WAC: variants seen among roughly 807,000 people sequenced by gnomAD.
WAC encodes WW domain-containing adapter protein with coiled-coil.
WAC carries 11 observed loss-of-function variants against 79.6 expected under a neutral mutation model. The observed-to-expected ratio is 0.14, with a 90% CI of 0.09 to 0.23. The LOEUF (loss-of-function observed/expected upper bound fraction) is 0.23, where lower values mean the gene tolerates loss of function less well. Among genes scored for constraint, WAC ranks in the 10% least tolerant of loss-of-function variants. WAC has a pLI of 1.00. For missense variants in WAC, 728 were observed against 773.5 expected (o/e 0.94, Z 0.70); for synonymous variants, 304 against 276.9 (o/e 1.10, Z -0.97).
chr10:28,619,608 G>A lies in WAC; in HGVS notation c.*2G>A. ...AATCAGAATTCCTTCATGGTGTGAA[G>A]ATGTGAATAATTGCACATGGTTTTG... On this transcript the variant is annotated 3_prime_UTR_variant, in exon 14 of 14. Coordinates refer to ENST00000354911, the MANE Select transcript of WAC (RefSeq NM_016628.5). 1 of 1,573,596 alleles carries A rather than the reference G, an allele frequency of 6.4e-7. No individual in the cohort carries two copies. Among genetic ancestry groups the A allele is most frequent in the Non-Finnish European group, 8.6e-7 (1 of 1,169,338 alleles).
At chr10:28,613,718 C>T (rs1460039004) in intron 10 of WAC, among the ~76,000 whole-genome samples, 5 of 152,144 alleles carry the variant, frequency 3.3e-5, no homozygotes, top group African/African-American at 9.7e-5. Flanking sequence ...TATCCCCTCA[C>T]CCCACCAAAA....
At chr10:28,599,406 A>T (rs1840530468) in intron 7 of WAC, among the ~76,000 whole-genome samples, 1 of 152,108 alleles carries the variant, frequency 6.6e-6, no homozygotes, top group Admixed American at 6.6e-5. Flanking sequence ...GTGTGTAAAT[A>T]TTTGTTGTAG....
At chr10:28,597,220 C>T (rs558142180) in intron 7 of WAC, among the ~76,000 whole-genome samples, 1 of 152,196 alleles carries the variant, frequency 6.6e-6, no homozygotes, top group South Asian at 2.1e-4. Flanking sequence ...TACCAAAATT[C>T]ATACATAAAA....
At chr10:28,611,233 C>T in intron 9 of WAC, 1 of 1,285,584 alleles carries the variant, frequency 7.8e-7, no homozygotes, top group Non-Finnish European at 1.0e-6. Flanking sequence ...TATGGAAATG[C>T]TCATTTTCTG....
intron 3 of WAC, among the ~76,000 whole-genome samples, chr10:28,558,373 C>T (rs1838114121): frequency 6.6e-6 from 1 of 152,088 alleles, no homozygotes; most frequent in Non-Finnish European, 1.5e-5. Flanking sequence ...AGAAGCAGCG[C>T]AAAGAAATTA....
At chr10:28,597,065 T>G (rs1840411721) in intron 7 of WAC, among the ~76,000 whole-genome samples, 1 of 152,140 alleles carries the variant, frequency 6.6e-6, no homozygotes. Flanking sequence ...ACATGTTATA[T>G]GCATGTAATA....
intron 11 of WAC, 193 bp downstream of exon 11, chr10:28,614,878 G>A: frequency 2.5e-6 from 1 of 407,164 alleles, no homozygotes; most frequent in Non-Finnish European, 4.3e-6. Context: ...TAGTAGTGAA[G>A]CCCGGGTTAT....
Position 28,547,929 on chromosome 10 carries a change from TTC to T in WAC, c.274+12174_274+12175del, listed in dbSNP as rs1491582309. On this transcript the variant is annotated intron_variant, in intron 3 of 13. Coordinates refer to ENST00000354911, the MANE Select transcript of WAC (RefSeq NM_016628.5). ...TTTCTCTTTTTCTTTTTTTTTTTTT[TTC>T]TTCTTTGAGAGAGAGTTTCGCTCTT... Among the ~76,000 whole-genome samples the T allele has an allele frequency of 2.5e-4, 38 of 149,550 alleles. No homozygotes were observed. The East Asian group carries it at 5.5e-3, about 22-fold the overall frequency.
At chr10:28,562,105 T>G (rs1838328407) in intron 3 of WAC, among the ~76,000 whole-genome samples, 1 of 152,192 alleles carries the variant, frequency 6.6e-6, no homozygotes, top group South Asian at 2.1e-4. Flanking sequence ...TCACCCAGGT[T>G]GGAGTGCAGT....
intron 3 of WAC, among the ~76,000 whole-genome samples, chr10:28,559,870 G>A (rs567618662): frequency 6.6e-6 from 1 of 152,218 alleles, no homozygotes; most frequent in Admixed American, 6.5e-5. Flanking sequence ...ACATTCCTCA[G>A]ATAGATGTTT....
In WAC at chr10:28,595,985, T is replaced by C; in HGVS notation, c.863T>C (p.Leu288Ser). The C allele has an allele frequency of 1.2e-6, 2 of 1,614,162 alleles. No individual in the cohort carries two copies. The highest frequency in any genetic ancestry group is 1.7e-6 in the Non-Finnish European group (2 of 1,180,014). ...TTTGATGCTAATGGAGCATCTACTT[T>C]ATCAAAACTGCCTACACCCACATCT... ...KSFDANGAST[L>S]SKLPTPTSSV... The change falls in exon 7 of 14, where the codon TTA (leucine) becomes TCA (serine). Residue 288 changes from leucine (L) to serine (S), a missense_variant. Leu to Ser is a moderately radical substitution (Grantham distance 145). Transcript: ENST00000354911.
At chr10:28,599,939 G>C (rs1840558899) in intron 7 of WAC, among the ~76,000 whole-genome samples, 1 of 152,072 alleles carries the variant, frequency 6.6e-6, no homozygotes, top group African/African-American at 2.4e-5. Context: ...ATACAAAATT[G>C]AATTTTATCA....
intron 10 of WAC, among the ~76,000 whole-genome samples, chr10:28,613,481 AG>A (rs1841342470): frequency 6.6e-6 from 1 of 152,210 alleles, no homozygotes; most frequent in Admixed American, 6.5e-5. Context: ...ACTTGAGAGT[AG>A]GCAACCAGAC....
chr10:28,537,824 T>C (rs996831314), intron 3 of WAC, among the ~76,000 whole-genome samples: 7 of 152,226 alleles, frequency 4.6e-5, no homozygotes, highest in Non-Finnish European at 1.0e-4. Flanking sequence ...AGGTACTTGT[T>C]AGCTTTTCGT....
chr10:28,603,285 C>T (rs1840729488), intron 7 of WAC, among the ~76,000 whole-genome samples: 1 of 152,162 alleles, frequency 6.6e-6, no homozygotes. Flanking sequence ...TGTGTCGAGC[C>T]ACATTCAAAG....
chr10:28,603,653 C>T, intron 7 of WAC, among the ~76,000 whole-genome samples: 1 of 151,902 alleles, frequency 6.6e-6, no homozygotes, highest in Non-Finnish European at 1.5e-5. Context: ...TATTTGTAGG[C>T]CAGGTGCGGT....
chr10:28,582,691 A>G (rs1425112558), intron 3 of WAC, among the ~76,000 whole-genome samples: 1 of 152,214 alleles, frequency 6.6e-6, no homozygotes, highest in Non-Finnish European at 1.5e-5. Flanking sequence ...TCATTCATCA[A>G]AGTGTTTTTG....
intron 3 of WAC, among the ~76,000 whole-genome samples, chr10:28,558,073 C>T (rs1022073617): frequency 6.0e-5 from 9 of 150,954 alleles, no homozygotes; most frequent in African/African-American, 2.0e-4. Context: ...GATTCTGTCT[C>T]GGAAAAAAAA....
intron 3 of WAC, among the ~76,000 whole-genome samples, chr10:28,574,437 T>C (rs1399836039): frequency 6.6e-6 from 1 of 151,878 alleles, no homozygotes; most frequent in East Asian, 1.9e-4. Flanking sequence ...AGTGAGCCAG[T>C]GTGCACGGCC....
Sources: gnomAD v4.1 joint callset for allele counts (sites outside exome capture counted in the v4.1 genomes callset) on GRCh38, gnomAD v4.1.1 for gene constraint, MANE v1.5 for transcripts, NCBI Gene and HGNC (gene_info 2026-07-23, HGNC 2026-07-21) for gene names.